WEE1: variants seen among roughly 807,000 people sequenced by gnomAD.
WEE1 encodes wee1-like protein kinase.
WEE1 carries 16 observed loss-of-function variants against 68.8 expected under a neutral mutation model. That is an observed-to-expected ratio of 0.23 (90% CI 0.16 to 0.35). The LOEUF is 0.35. WEE1 is among the 10% of genes least tolerant of loss of function. The pLI is 1.00. For missense variants in WEE1, 651 were observed against 824.1 expected (o/e 0.79, Z 2.57); for synonymous variants, 349 against 318.7 (o/e 1.09, Z -1.01).
At chr11:9,586,351 AT>A (rs1480233530) in intron 8 of WEE1, 97 bp from the exon 9 acceptor site, 5 of 1,108,132 alleles carry the variant, frequency 4.5e-6, no homozygotes, top group Non-Finnish European at 6.4e-6. Flanking sequence ...AGACACTTTG[AT>A]TAAGTCCTAT....
chr11:9,587,655 G>C (rs1052773243), intron 10 of WEE1, among the ~76,000 whole-genome samples: 3 of 152,060 alleles, frequency 2.0e-5, no homozygotes, highest in Non-Finnish European at 4.4e-5. Context: ...TCAAAAAGCT[G>C]GTTGCAATGG....
At chr11:9,581,367 GA>G in intron 5 of WEE1, 164 bp from the exon 6 acceptor site, 1 of 608,690 alleles carries the variant, frequency 1.6e-6, no homozygotes, top group Non-Finnish European at 2.8e-6. Flanking sequence ...ATTACCTATT[GA>G]AAAAACAATA....
chr11:9,581,635 G>A lies in WEE1; in HGVS notation c.1245G>A (p.Arg415=). The A allele has an allele frequency of 2.9e-5, 47 of 1,613,320 alleles. No individual in the cohort carries two copies. Among genetic ancestry groups the A allele is most frequent in the Non-Finnish European group, 4.0e-5 (47 of 1,179,838 alleles). ...TTTTGCAAGTTGGCCGAGGCTTGAG[G>A]TATATTCATTCAATGTCTTTGGTTC... The part of the protein sequence containing the change: ...DLLLQVGRGL[R]YIHSMSLVHM... Residue 415 remains arginine, a synonymous_variant, in exon 6 of 11, where the codon AGG becomes AGA. Transcript: ENST00000450114.
At chr11:9,579,551 G>A (rs1347986601) in intron 5 of WEE1, 1 of 152,228 alleles carries the variant, frequency 6.6e-6, no homozygotes, top group Admixed American at 6.5e-5. Context: ...TAGGGAAAGA[G>A]AACCTGAAAT....
At position 9,588,468 on chromosome 11, in the gene WEE1, A is replaced by G. The variant is rs1849726580; in HGVS notation, c.1807A>G (p.Met603Val). The G allele has an allele frequency of 1.9e-6, 3 of 1,596,718 alleles. No individual in the cohort carries two copies. Among genetic ancestry groups the G allele is most frequent in the Admixed American group, 1.9e-5 (1 of 53,856 alleles). Residue 603 changes from methionine to valine, a missense_variant, in exon 11 of 11, where the codon ATG becomes GTG. Transcript: ENST00000450114. ...LLQKELKKAQ[M>V]AKAAAEERAL... is the part of the protein sequence containing the mutation. Reference sequence around the variant, plus strand: ...TGTCAGAGAACTCAAGAAAGCACAGATGGCAAAAGCTGCAGCTGAGGAAAG... The same window carrying G: ...TGTCAGAGAACTCAAGAAAGCACAGGTGGCAAAAGCTGCAGCTGAGGAAAG...
rs1348339064 is a variant in WEE1 at position 9,574,745 on chromosome 11, C to T, written c.576+236C>T. ...CATCTTACAAAGGGGCCGATCGGCC[C>T]GTCCGGGTGGCCAAGGATTTGCCGC... On this transcript the variant is annotated intron_variant, in intron 1 of 10. Transcript: ENST00000450114. This position sits in a 1 kb window ranked among gnomAD's most constrained non-coding sequence, Gnocchi z 4.9. 35 of 1,032,126 alleles carry T rather than the reference C, an allele frequency of 3.4e-5. No homozygotes were observed. Among genetic ancestry groups the T allele is most frequent in the South Asian group, 1.4e-4 (3 of 21,710 alleles). 63.9% of individuals were successfully genotyped at this position (1,032,126 alleles called of 1,614,324 possible).
intron 1 of WEE1, chr11:9,575,025 T>A (rs1849548958): frequency 3.0e-6 from 3 of 985,864 alleles, no homozygotes; most frequent in Non-Finnish European, 3.6e-6. Context: ...GCAGGGAGAC[T>A]ACGCTTGGAC....
Position 9,588,463 on chromosome 11 carries a change from C to A in WEE1, c.1802C>A (p.Ala601Glu), listed in dbSNP as rs776395108. Residue 601 changes from alanine (A) to glutamate (E), a missense_variant, in exon 11 of 11, where the codon GCA becomes GAA. Ala to Glu is a moderately radical substitution (Grantham distance 107, BLOSUM62 -1). Around this residue, in one of 5 missense-constraint regions of WEE1, gnomAD observed 115 missense variants for 142.7 expected, o/e 0.81. Coordinates refer to ENST00000450114, the MANE Select transcript of WEE1 (RefSeq NM_003390.4). ...NSLLQKELKKAQMAKAAAEER... is the reference protein window; with the variant it reads ...NSLLQKELKKEQMAKAAAEER... ...TTTTATGTCAGAGAACTCAAGAAAG[C>A]ACAGATGGCAAAAGCTGCAGCTGAG... is the stretch of plus-strand genomic sequence containing the variant. 6.3e-7 allele frequency: 1 copy of A among 1,592,984 alleles called. No homozygotes were observed. Among genetic ancestry groups the A allele is most frequent in the Non-Finnish European group, 8.5e-7 (1 of 1,174,444 alleles).
intron 6 of WEE1, among the ~76,000 whole-genome samples, chr11:9,584,299 C>G (rs899813321): frequency 2.0e-5 from 3 of 152,090 alleles, no homozygotes; most frequent in Non-Finnish European, 4.4e-5. Flanking sequence ...CCATTCCCAG[C>G]TATTTTAATT....
intron 6 of WEE1, among the ~76,000 whole-genome samples, chr11:9,584,759 T>C (rs1421911168): frequency 1.3e-5 from 2 of 152,130 alleles, no homozygotes; most frequent in Admixed American, 6.5e-5. Flanking sequence ...TTAAAGTGTT[T>C]AGGATCAGTG....
In WEE1 at chr11:9,576,773, G is replaced by T; in HGVS notation, c.1019+114G>T. 2 of 1,121,948 alleles carry T rather than the reference G, an allele frequency of 1.8e-6. No individual in the cohort carries two copies. Among genetic ancestry groups the T allele is most frequent in the Non-Finnish European group, 2.5e-6 (2 of 794,426 alleles). 69.5% of individuals were successfully genotyped at this position (1,121,948 alleles called of 1,614,324 possible). ...TCTCTAACTTTTGAGAAGCTGTAAT[G>T]ATTTAATCAGGTCCTTTTCACTTAA... On this transcript the variant is annotated intron_variant, in intron 4 of 10. Transcript: ENST00000450114. This position sits in a 1 kb window ranked among gnomAD's most constrained non-coding sequence, Gnocchi z 4.3.
intron 5 of WEE1, 21 bp downstream of exon 5, chr11:9,577,284 C>T: frequency 6.2e-7 from 1 of 1,601,618 alleles, no homozygotes; most frequent in Non-Finnish European, 8.5e-7. Flanking sequence ...TAATGGTTTT[C>T]TTGTGAGCTT....
In WEE1 at chr11:9,589,520, G is replaced by A. The variant is rs921383125; in HGVS notation, c.*918G>A. On this transcript the variant is annotated 3_prime_UTR_variant, in exon 11 of 11. Coordinates refer to ENST00000450114, the MANE Select transcript of WEE1 (RefSeq NM_003390.4). The stretch of plus-strand genomic sequence containing the variant: ...TATTTGTGTATATAAACCGATCTTC[G>A]TGATACTGTACATAGCTGTTTGAAA... 9.1e-6 allele frequency: 9 copies of A among 985,194 alleles called. No individual in the cohort carries two copies. The highest frequency in any genetic ancestry group is 8.7e-5 in the African/African-American group (5 of 57,150). 61.0% of individuals were successfully genotyped at this position (985,194 alleles called of 1,614,324 possible).
At position 9,573,946 on chromosome 11, in the gene WEE1, A is replaced by G. The variant is rs1490413296; in HGVS notation, c.13A>G (p.Ser5Gly). ...CCCCAGGGCCGCGATGAGCTTCCTG[A>G]GCCGACAGCAGCCGCCGCCACCCCG... MSFL[S>G]RQQPPPPRRA... Residue 5 changes from serine (S) to glycine (G), a missense_variant, in exon 1 of 11, where the codon AGC becomes GGC. Around this residue, in one of 5 missense-constraint regions of WEE1, gnomAD observed 395 missense variants for 378.4 expected, o/e 1.04. Coordinates refer to ENST00000450114, the MANE Select transcript of WEE1 (RefSeq NM_003390.4). The G allele has an allele frequency of 8.5e-6, 11 of 1,286,962 alleles. No homozygotes were observed. The highest frequency in any genetic ancestry group is 2.3e-5 in the South Asian group (1 of 42,680). 79.7% of individuals were successfully genotyped at this position (1,286,962 alleles called of 1,614,324 possible). A position where few individuals can be genotyped will look rare whatever the true frequency, so the allele number is the denominator to read the frequency against.
rs369028164 is a variant in WEE1, at chr11:9,585,338, G to A, written c.1369G>A (p.Val457Ile). 68 of 1,613,858 alleles carry A rather than the reference G, an allele frequency of 4.2e-5. No homozygotes were observed. Among genetic ancestry groups the A allele is most frequent in the Non-Finnish European group, 5.6e-5 (66 of 1,179,954 alleles). Residue 457 changes from valine to isoleucine, a missense_variant, in exon 7 of 11, where the codon GTT becomes ATT. Physicochemically the swap from Val to Ile is conservative, Grantham distance 29 (BLOSUM62 3). This residue lies in a region of WEE1 where 82 missense variants were observed against 123.2 expected (regional missense o/e 0.67). Coordinates refer to ENST00000450114, the MANE Select transcript of WEE1 (RefSeq NM_003390.4). ...GDEDDWASNK[V>I]MFKIGDLGHV... ...CGAAGATGATTGGGCATCCAACAAAGTTATGTTTAAAATAGGTAAGAAAGG... is the reference window on the plus strand; with the variant it reads ...CGAAGATGATTGGGCATCCAACAAAATTATGTTTAAAATAGGTAAGAAAGG...
Position 9,585,423 on chromosome 11 carries a change from A to G in WEE1, c.1385-19A>G. 1.2e-6 allele frequency: 2 copies of G among 1,608,882 alleles called. No individual in the cohort carries two copies. ...TGTTTTGTTTTTGCTCTTCACTGTA[A>G]GTTTTTCAATACTTCTAGGTGATCT... is the stretch of plus-strand genomic sequence containing the variant. On this transcript the variant is annotated intron_variant, in intron 7 of 10. Transcript: ENST00000450114.
At chr11:9,577,413 T>C (rs1849576079) in intron 5 of WEE1, 150 bp downstream of exon 5, 1 of 1,004,798 alleles carries the variant, frequency 1.0e-6, no homozygotes, top group Admixed American at 2.6e-5. Context: ...AGTACAAGGT[T>C]AAAAACCTTG....
rs1453025679 is a variant in WEE1, at chr11:9,576,117, G to C, written c.782+24G>C. On this transcript the variant is annotated intron_variant, in intron 2 of 10. Transcript: ENST00000450114. The surrounding 1 kb of genome is among the most constrained non-coding windows in gnomAD (Gnocchi z 4.3). ...GAGTAAGTCGTTTATTTAACAGTTT[G>C]GTTCTCCAAATAACCTAAGATTGGT... 8.7e-6 allele frequency: 14 copies of C among 1,612,526 alleles called. No individual in the cohort carries two copies. Among genetic ancestry groups the C allele is most frequent in the Non-Finnish European group, 1.2e-5 (14 of 1,178,986 alleles).
Position 9,574,197 on chromosome 11 carries a change from G to C in WEE1, c.264G>C (p.Glu88Asp), listed in dbSNP as rs558374573. ...GGCCGGCCCCCGGCAGCCCCGGCGAGCTGGAGGAGGACCTGTTGCTGCCCG... is the reference window on the plus strand; with the variant it reads ...GGCCGGCCCCCGGCAGCCCCGGCGACCTGGAGGAGGACCTGTTGCTGCCCG... Reference protein sequence around the residue: ...SPGPAPGSPGELEEDLLLPGA... With the variant: ...SPGPAPGSPGDLEEDLLLPGA... Residue 88 changes from glutamate (E) to aspartate (D), a missense_variant, in exon 1 of 11, where the codon GAG becomes GAC. Physicochemically the swap from Glu to Asp is conservative, Grantham distance 45 (BLOSUM62 2). Coordinates refer to ENST00000450114, the MANE Select transcript of WEE1 (RefSeq NM_003390.4). This position sits in a 1 kb window ranked among gnomAD's most constrained non-coding sequence, Gnocchi z 4.9. The C allele has an allele frequency of 2.2e-4, 258 of 1,175,098 alleles. 2 individuals are homozygous for C. In the South Asian group the frequency reaches 9.5e-3, roughly 43 times the overall value. 72.8% of individuals were successfully genotyped at this position (1,175,098 alleles called of 1,614,324 possible).
Sources: allele counts gnomAD v4.1 joint callset (sites outside exome capture counted in the v4.1 genomes callset), GRCh38; gene constraint gnomAD v4.1.1; regional missense constraint gnomAD v4.1.1; non-coding constraint Gnocchi (gnomAD v3.1); transcripts MANE v1.5; gene names NCBI Gene and HGNC (gene_info 2026-07-23, HGNC 2026-07-21).